The following TTC29 variants were observed in gnomAD, a reference collection of about 807,000 sequenced individuals.
TTC29 encodes tetratricopeptide repeat domain 29.
TTC29 carries 49 observed loss-of-function variants against 58.1 expected under a neutral mutation model. The ratio of observed to expected loss-of-function variants is 0.84; its 90% confidence interval spans 0.67 to 1.07. TTC29 has a LOEUF of 1.07. Ranked by LOEUF, TTC29 falls within the 50% of genes least tolerant of loss-of-function variation. The pLI is 0.00. For missense variants in TTC29, 582 were observed against 555.6 expected, an observed-to-expected ratio of 1.05 and a Z score of -0.48; for synonymous variants, 209 against 196.8, an observed-to-expected ratio of 1.06 and a Z score of -0.52.
At chr4:146,868,249 C>T (rs1237428844) in intron 7 of TTC29, among the ~76,000 whole-genome samples, 3 of 151,990 alleles carry the variant, frequency 2.0e-5, no homozygotes, top group Admixed American at 6.6e-5. Flanking sequence ...GGAGGGGTAG[C>T]ATTAGGAGAT....
intron 9 of TTC29, among the ~76,000 whole-genome samples, chr4:146,827,099 C>A (rs1353733096): frequency 6.6e-6 from 1 of 152,114 alleles, no homozygotes; most frequent in Non-Finnish European, 1.5e-5. Flanking sequence ...TAGCCTACTT[C>A]TGCCACTTCA....
At chr4:146,877,783 T>A (rs1201044575) in intron 6 of TTC29, among the ~76,000 whole-genome samples, 1 of 152,186 alleles carries the variant, frequency 6.6e-6, no homozygotes, top group African/African-American at 2.4e-5. Context: ...GAAAAACAGA[T>A]AGTTCCAGAA....
At chr4:146,926,761 C>A (rs1408136737) in intron 4 of TTC29, among the ~76,000 whole-genome samples, 1 of 152,202 alleles carries the variant, frequency 6.6e-6, no homozygotes, top group African/African-American at 2.4e-5. Flanking sequence ...CCACGTCCAG[C>A]CTACAAAGTT....
chr4:146,725,105 A>G lies in TTC29; in HGVS notation c.1331-17554T>C, dbSNP rs78480237. Among the ~76,000 whole-genome samples, 838 of 152,276 alleles carry G rather than the reference A, an allele frequency of 5.5e-3. 63 individuals carry two copies. In the East Asian group the frequency reaches 0.13, roughly 24 times the overall value. On this transcript the variant is annotated intron_variant, in intron 11 of 12. Transcript: ENST00000325106. Reference sequence around the variant, plus strand: ...CTTCAAATTTAACTTCTTTGTTTCGATTGCACTGTGGTAGGGACAAAAAAG... The same window carrying G: ...CTTCAAATTTAACTTCTTTGTTTCGGTTGCACTGTGGTAGGGACAAAAAAG...
At chr4:146,764,233 A>T (rs190250915) in intron 11 of TTC29, 1 of 152,174 alleles carries the variant, frequency 6.6e-6, no homozygotes, top group Non-Finnish European at 1.5e-5. Context: ...ATAGATTCCA[A>T]TTCATAGCTA....
At chr4:146,910,985 G>C (rs1458698185) in intron 4 of TTC29, among the ~76,000 whole-genome samples, 1 of 152,160 alleles carries the variant, frequency 6.6e-6, no homozygotes, top group Non-Finnish European at 1.5e-5. Flanking sequence ...GAGGGGCTCA[G>C]AGAGTAGAAA....
At chr4:146,895,999 G>C (rs1045473771) in intron 6 of TTC29, among the ~76,000 whole-genome samples, 1 of 152,032 alleles carries the variant, frequency 6.6e-6, no homozygotes, top group African/African-American at 2.4e-5. Flanking sequence ...TAAAAATGCA[G>C]ATAAAAATTA....
chr4:146,770,439 T>G (rs907290302), intron 11 of TTC29, among the ~76,000 whole-genome samples: 4 of 152,064 alleles, frequency 2.6e-5, no homozygotes, highest in Admixed American at 2.0e-4. Context: ...CACTTTTTTT[T>G]TTTAACTCTT....
At chr4:146,886,289 C>T (rs189742574) in intron 6 of TTC29, among the ~76,000 whole-genome samples, 13 of 152,206 alleles carry the variant, frequency 8.5e-5, no homozygotes, top group Admixed American at 6.6e-4. Flanking sequence ...TGTTGAACAG[C>T]CCAATTCATA....
At chr4:146,877,471 C>T (rs1190914737) in intron 6 of TTC29, among the ~76,000 whole-genome samples, 1 of 152,076 alleles carries the variant, frequency 6.6e-6, no homozygotes, top group Non-Finnish European at 1.5e-5. Flanking sequence ...TTTTTTCTTA[C>T]CTTCCAGAAA....
At chr4:146,922,679 A>T (rs1247503216) in intron 4 of TTC29, among the ~76,000 whole-genome samples, 1 of 151,776 alleles carries the variant, frequency 6.6e-6, no homozygotes, top group Non-Finnish European at 1.5e-5. Context: ...GCTGAAGATC[A>T]CACACACCTG....
chr4:146,795,980 C>T (rs1008768598), intron 11 of TTC29, among the ~76,000 whole-genome samples: 1 of 152,174 alleles, frequency 6.6e-6, no homozygotes, highest in Non-Finnish European at 1.5e-5. Flanking sequence ...GCTGAGTTCT[C>T]CAACTCTTCC....
At chr4:146,895,419 G>C (rs900140461) in intron 6 of TTC29, among the ~76,000 whole-genome samples, 1 of 152,184 alleles carries the variant, frequency 6.6e-6, no homozygotes, top group African/African-American at 2.4e-5. Flanking sequence ...ATTTCCTTCT[G>C]GGTTTAGTCT....
rs183635632 is a variant in TTC29 at position 146,904,728 on chromosome 4, A to G, written c.401-999T>C. Among the ~76,000 whole-genome samples the G allele has an allele frequency of 2.3e-4, 35 of 152,258 alleles. No individual in the cohort carries two copies. The East Asian group carries it at 5.6e-3, about 24-fold the overall frequency. The stretch of plus-strand genomic sequence containing the variant: ...TATCTATTAGAATTCACTGATATTA[A>G]TTGTTCACTACTACCAGAGGAGTCA... On this transcript the variant is annotated intron_variant, in intron 5 of 12. Coordinates refer to ENST00000325106, the MANE Select transcript of TTC29 (RefSeq NM_031956.4).
chr4:146,707,320 G>A, intron 12 of TTC29, 132 bp from the exon 13 acceptor site: 1 of 787,176 alleles, frequency 1.3e-6, no homozygotes, highest in South Asian at 2.2e-5. Context: ...AACCTTATGT[G>A]ACATTTGAAA....
At chr4:146,905,810 CT>C (rs1733485798) in intron 5 of TTC29, among the ~76,000 whole-genome samples, 1 of 152,186 alleles carries the variant, frequency 6.6e-6, no homozygotes, top group Non-Finnish European at 1.5e-5. Context: ...GCTGAATGCT[CT>C]GATTAGTCCT....
At chr4:146,815,147 C>T (rs546255119) in intron 10 of TTC29, among the ~76,000 whole-genome samples, 143 of 151,974 alleles carry the variant, frequency 9.4e-4, no homozygotes, top group African/African-American at 3.2e-3. Context: ...TCTGCTTATG[C>T]GGGGGTGGGA....
chr4:146,921,873 T>A (rs1224004299), intron 4 of TTC29, among the ~76,000 whole-genome samples: 1 of 150,528 alleles, frequency 6.6e-6, no homozygotes, highest in Non-Finnish European at 1.5e-5. Flanking sequence ...AAAAAAGAAA[T>A]ATTTATAAAA....
intron 7 of TTC29, 51 bp downstream of exon 7, chr4:146,874,665 C>T: frequency 2.2e-6 from 3 of 1,389,100 alleles, no homozygotes; most frequent in Non-Finnish European, 3.0e-6. Flanking sequence ...TTGGGAGAAA[C>T]AGTGTCTACC....
Sources: gnomAD v4.1 joint callset for allele counts (sites outside exome capture counted in the v4.1 genomes callset) on GRCh38, gnomAD v4.1.1 for gene constraint, MANE v1.5 for transcripts, NCBI Gene and HGNC (gene_info 2026-07-23, HGNC 2026-07-21) for gene names.